Variants in GLI3 observed in about 807,000 individuals in gnomAD.
GLI3 encodes transcription activator GLI3.
In GLI3, 20 loss-of-function variants were observed where a neutral mutation model predicts 100.8. The ratio of observed to expected loss-of-function variants is 0.20; its 90% CI spans 0.14 to 0.29. The LOEUF is 0.29. Among genes scored for constraint, GLI3 ranks in the 10% least tolerant of loss-of-function variants. The probability of loss-of-function intolerance (pLI) is 1.00; values close to 1 mark genes in which losing one functional copy is unlikely to be tolerated. For missense variants in GLI3, 2,040 were observed against 2,128.5 expected (o/e 0.96, Z 0.82); for synonymous variants, 938 against 860.5 (o/e 1.09, Z -1.58).
At chr7:42,210,679 C>CT (rs541690693) in intron 2 of GLI3, among the ~76,000 whole-genome samples, 104 of 151,608 alleles carry the variant, frequency 6.9e-4, no homozygotes, top group Admixed American at 2.0e-3. Flanking sequence ...AAAATCATAT[C>CT]TTTTTTTTTC....
chr7:42,237,590 C>T (rs1191033636), upstream of GLI3, among the ~76,000 whole-genome samples: 1 of 151,698 alleles, frequency 6.6e-6, no homozygotes, highest in Admixed American at 6.6e-5. Flanking sequence ...TCCCCGCGCT[C>T]CTCCTCCCCC....
intron 3 of GLI3, among the ~76,000 whole-genome samples, chr7:42,144,003 GT>G (rs1786637565): frequency 6.6e-6 from 1 of 152,188 alleles, no homozygotes; most frequent in Non-Finnish European, 1.5e-5. Context: ...TGCAGGAAGA[GT>G]TTAAAAACTA....
At chr7:42,056,890 C>A (rs189264028) in intron 4 of GLI3, among the ~76,000 whole-genome samples, 2 of 151,008 alleles carry the variant, frequency 1.3e-5, no homozygotes, top group East Asian at 3.9e-4. Context: ...GCTGAGGCTG[C>A]AGAATCGCTT....
In GLI3 at chr7:42,025,279, C is replaced by G; in HGVS notation, c.1341G>C (p.Gly447=). The change falls in exon 9 of 15, where the codon GGG becomes GGC. Residue 447 remains glycine, a synonymous_variant. Transcript: ENST00000395925. ...GGTGTCCTACCTGCTGCCCCCGAGC[C>G]CCTGGGCTGGGGAGGTCTTCATCGG... ...IKPDEDLPSP[G]ARGQQEQPEG... 1 of 1,613,316 alleles carries G rather than the reference C, an allele frequency of 6.2e-7. No homozygotes were observed. The highest frequency in any genetic ancestry group is 8.5e-7 in the Non-Finnish European group (1 of 1,179,284).
At chr7:42,084,761 A>AT (rs1011906004) in intron 3 of GLI3, among the ~76,000 whole-genome samples, 1 of 152,188 alleles carries the variant, frequency 6.6e-6, no homozygotes, top group African/African-American at 2.4e-5. Flanking sequence ...CTAATGGTGT[A>AT]TTTTCAGTGA....
At chr7:41,994,535 T>C (rs1788073137) in intron 10 of GLI3, among the ~76,000 whole-genome samples, 1 of 152,160 alleles carries the variant, frequency 6.6e-6, no homozygotes, top group Non-Finnish European at 1.5e-5. Context: ...TGTGCAAAAT[T>C]CTGTGGTCCT....
intron 1 of GLI3, among the ~76,000 whole-genome samples, chr7:42,254,431 T>G (rs1178212043): frequency 2.0e-5 from 3 of 151,844 alleles, no homozygotes; most frequent in Admixed American, 2.0e-4. Context: ...GAAAAGAGAG[T>G]ATTTCAAAAG....
chr7:41,996,082 G>A (rs1562676212), intron 10 of GLI3, among the ~76,000 whole-genome samples: 1 of 152,208 alleles, frequency 6.6e-6, no homozygotes, highest in Non-Finnish European at 1.5e-5. Flanking sequence ...GGAGGGATGT[G>A]TTAACACTTC....
chr7:42,203,118 GA>G (rs997466623), intron 2 of GLI3, among the ~76,000 whole-genome samples: 1 of 152,102 alleles, frequency 6.6e-6, no homozygotes, highest in African/African-American at 2.4e-5. Context: ...TAAATTGACA[GA>G]AAAAATTGTG....
At position 41,966,469 on chromosome 7, in the gene GLI3, C is replaced by A. The variant is rs758273867; in HGVS notation, c.2604G>T (p.Ser868=). Residue 868 remains serine (S), a synonymous_variant, in exon 15 of 15, where the codon TCG becomes TCT. Transcript: ENST00000395925. The surrounding 1 kb of genome is among the most constrained non-coding windows in gnomAD (Gnocchi z 5.8). Reference sequence around the variant, plus strand: ...TGGAGCGGCGGCTGGAGAAGCAGGGCGAGATCCCTGAGGAGCGGCGGCTGC... The same window carrying A: ...TGGAGCGGCGGCTGGAGAAGCAGGGAGAGATCCCTGAGGAGCGGCGGCTGC... ...YLSSRRSSGI[S]PCFSSRRSSE... 3.7e-6 allele frequency: 6 copies of A among 1,612,778 alleles called. No homozygotes were observed. The highest frequency in any genetic ancestry group is 5.1e-6 in the Non-Finnish European group (6 of 1,179,782).
At chr7:42,066,697 G>A (rs1784682439) in intron 4 of GLI3, among the ~76,000 whole-genome samples, 1 of 152,206 alleles carries the variant, frequency 6.6e-6, no homozygotes, top group Non-Finnish European at 1.5e-5. Flanking sequence ...TCAATTGCGA[G>A]AATGGAGCCT....
intron 3 of GLI3, among the ~76,000 whole-genome samples, chr7:42,134,080 CAAA>C (rs11441623): frequency 5.5e-5 from 6 of 109,402 alleles, no homozygotes; most frequent in African/African-American, 4.2e-5. Flanking sequence ...GACTCTGTCT[CAAA>C]AAAAAAAAAA....
chr7:42,059,169 T>C (rs984245560), intron 4 of GLI3, among the ~76,000 whole-genome samples: 1 of 152,182 alleles, frequency 6.6e-6, no homozygotes, highest in East Asian at 1.9e-4. Flanking sequence ...GATGACAACT[T>C]GTTTTTAAAT....
intron 4 of GLI3, among the ~76,000 whole-genome samples, chr7:42,074,816 T>C (rs1337061027): frequency 1.3e-5 from 2 of 152,230 alleles, no homozygotes; most frequent in Non-Finnish European, 2.9e-5. Flanking sequence ...CAGGATTATC[T>C]ATCAGCTTTA....
chr7:42,020,239 T>C (rs1788898208), intron 10 of GLI3, among the ~76,000 whole-genome samples: 1 of 152,216 alleles, frequency 6.6e-6, no homozygotes. Flanking sequence ...TCTAATTCTC[T>C]TCTTCAAATC....
intron 3 of GLI3, among the ~76,000 whole-genome samples, chr7:42,103,199 C>T (rs902424762): frequency 5.3e-5 from 8 of 152,142 alleles, no homozygotes; most frequent in African/African-American, 1.9e-4. Context: ...CCACTGTCCA[C>T]CCCAGAGTGA....
chr7:42,239,973 A>T (rs1353071452), upstream of GLI3, among the ~76,000 whole-genome samples: 3 of 152,200 alleles, frequency 2.0e-5, no homozygotes, highest in Non-Finnish European at 4.4e-5. Flanking sequence ...CCCAAAATAT[A>T]GAAGAGTTAT....
intron 2 of GLI3, among the ~76,000 whole-genome samples, chr7:42,179,908 C>G (rs1787557187): frequency 6.6e-6 from 1 of 152,148 alleles, no homozygotes; most frequent in South Asian, 2.1e-4. Flanking sequence ...TTGCAGATAT[C>G]CAAACAGAAG....
At position 41,963,999 on chromosome 7, in the gene GLI3, A is replaced by AAAG; in HGVS notation, c.*328_*330dup. 4.4e-6 allele frequency: 1 copy of AAAG among 228,770 alleles called. No homozygotes were observed. The highest frequency in any genetic ancestry group is 6.7e-5 in the South Asian group (1 of 14,832). The allele number at this position is 228,770 out of a possible 1,614,324, so 14.2% of individuals were successfully genotyped here. On this transcript the variant is annotated 3_prime_UTR_variant, in exon 15 of 15. Transcript: ENST00000395925. The stretch of plus-strand genomic sequence containing the variant: ...ATCCTTTAATTTGACTGCTCTTCTA[A>AAAG]AAGAAAGAAGAATATGCACATCACA...
Sources: allele counts gnomAD v4.1 joint callset (sites outside exome capture counted in the v4.1 genomes callset), GRCh38; gene constraint gnomAD v4.1.1; non-coding constraint Gnocchi (gnomAD v3.1); transcripts MANE v1.5; gene names NCBI Gene and HGNC (gene_info 2026-07-23, HGNC 2026-07-21).